The following ZNF534 variants were observed in gnomAD, a reference collection of about 807,000 sequenced individuals.
The protein encoded by ZNF534 is zinc finger protein 534.
Under a neutral mutation model 13.6 loss-of-function variants are expected in ZNF534, and 19 were observed. That is an observed-to-expected ratio of 1.40 (90% CI 0.97 to 2.05). The LOEUF is 2.05. ZNF534 is among the 30% of genes most tolerant of loss of function. The pLI, the probability that ZNF534 is intolerant of heterozygous loss-of-function variation, is 0.00. For synonymous variants in ZNF534, 244 were observed against 273.8 expected (o/e 0.89, Z 1.07); for missense variants, 782 against 796.3 (o/e 0.98, Z 0.22).
At chr19:52,447,494 C>G (rs2608538), downstream of ZNF534, among the ~76,000 whole-genome samples, 1 of 152,116 alleles carries the variant, frequency 6.6e-6, no homozygotes, top group Admixed American at 6.5e-5. Context: ...TTAACACTAA[C>G]AGTGACATTT....
At chr19:52,433,574 G>T (rs148273138) in intron 2 of ZNF534, among the ~76,000 whole-genome samples, 1 of 152,132 alleles carries the variant, frequency 6.6e-6, no homozygotes, top group Non-Finnish European at 1.5e-5. Flanking sequence ...CACCGTGTTG[G>T]CCAAGATGGT....
downstream of ZNF534, among the ~76,000 whole-genome samples, chr19:52,446,848 A>G (rs2059196295): frequency 6.6e-6 from 1 of 152,198 alleles, no homozygotes; most frequent in Non-Finnish European, 1.5e-5. Flanking sequence ...ACAGAGCAAG[A>G]TCCTGTCTCA....
Position 52,438,336 on chromosome 19 carries a change from T to C in ZNF534, c.876T>C (p.His292=), listed in dbSNP as rs1281111637. 1 of 1,613,374 alleles carries C rather than the reference T, an allele frequency of 6.2e-7. No homozygotes were observed. Among genetic ancestry groups the C allele is most frequent in the Non-Finnish European group, 8.5e-7 (1 of 1,179,420 alleles). ...ACCTTGCACAGCATAGGAAAATTCA[T>C]ACTGGAGAGAAGCCTTACAAATGTA... ...HAYLAQHRKI[H]TGEKPYKCSE... The change falls in exon 5 of 5, where the codon CAT becomes CAC. Residue 292 remains histidine, a synonymous_variant. Coordinates refer to ENST00000433050, the MANE Select transcript of ZNF534 (RefSeq NM_001143938.3).
chr19:52,433,556 T>G (rs145070875), intron 2 of ZNF534, among the ~76,000 whole-genome samples: 1 of 152,130 alleles, frequency 6.6e-6, no homozygotes, highest in Admixed American at 6.6e-5. Context: ...TTAGTAGAGA[T>G]GGGGTTTCAC....
At chr19:52,429,581 C>T (rs1453959262) in intron 1 of ZNF534, among the ~76,000 whole-genome samples, 5 of 148,316 alleles carry the variant, frequency 3.4e-5, no homozygotes, top group Non-Finnish European at 7.4e-5. Flanking sequence ...GCTCGTTAGT[C>T]ACTTAATAGT....
chr19:52,433,097 G>C (rs1409594539), intron 2 of ZNF534, among the ~76,000 whole-genome samples: 1 of 151,806 alleles, frequency 6.6e-6, no homozygotes, highest in East Asian at 1.9e-4. Context: ...ACAAAAATTA[G>C]CTGGGCATAG....
At chr19:52,445,985 A>G (rs1199931637), downstream of ZNF534, among the ~76,000 whole-genome samples, 1 of 152,198 alleles carries the variant, frequency 6.6e-6, no homozygotes, top group Admixed American at 6.5e-5. Context: ...GTGACATGAA[A>G]ATGCACATAA....
At chr19:52,448,805 A>G (rs1197326424) in intron 4 of ZNF534, among the ~76,000 whole-genome samples, 4 of 152,240 alleles carry the variant, frequency 2.6e-5, no homozygotes, top group Admixed American at 6.5e-5. Flanking sequence ...AAAATAGATA[A>G]TGATCAAATC....
chr19:52,437,391 G>A (rs1351512158), intron 4 of ZNF534, among the ~76,000 whole-genome samples: 1 of 152,090 alleles, frequency 6.6e-6, no homozygotes, highest in Non-Finnish European at 1.5e-5. Context: ...GGCTGAGGCA[G>A]GTGGATCACA....
chr19:52,436,751 C>T (rs2059131224), intron 4 of ZNF534, among the ~76,000 whole-genome samples: 1 of 152,160 alleles, frequency 6.6e-6, no homozygotes, highest in Admixed American at 6.6e-5. Context: ...ATTTTTACAT[C>T]AGTTACTGTA....
Position 52,440,623 on chromosome 19 carries a change from A to G in ZNF534, c.*1177A>G, listed in dbSNP as rs1036024849. Among the ~76,000 whole-genome samples the G allele has an allele frequency of 1.3e-5, 2 of 152,048 alleles. No homozygotes were observed. Among genetic ancestry groups the G allele is most frequent in the East Asian group, 1.9e-4 (1 of 5,164 alleles). On this transcript the variant is annotated 3_prime_UTR_variant, in exon 5 of 5. Transcript: ENST00000433050. The stretch of plus-strand genomic sequence containing the variant: ...TGTTGAAACCCCATCACTACTAAAA[A>G]TAAAAAAAATAGCTGGGTGTGGTGG...
In ZNF534 at chr19:52,438,788, G is replaced by C; in HGVS notation, c.1328G>C (p.Cys443Ser). ...GAGAAACCTTACGAATGTATAGACT[G>C]TGGCAAGGTCTTCAGGCACAAGTCT... ...TGEKPYECID[C>S]GKVFRHKSSL... Residue 443 changes from cysteine to serine, a missense_variant, in exon 5 of 5, where the codon TGT (cysteine) becomes TCT (serine). Physicochemically the swap from Cys to Ser is moderately radical, Grantham distance 112. This residue lies in a region of ZNF534 where 591 missense variants were observed against 574.0 expected (regional missense o/e 1.03). Transcript: ENST00000433050. 6.2e-7 allele frequency: 1 copy of C among 1,609,374 alleles called. No homozygotes were observed. The highest frequency in any genetic ancestry group is 8.5e-7 in the Non-Finnish European group (1 of 1,177,656).
intron 3 of ZNF534, 79 bp downstream of exon 3, chr19:52,434,160 G>T (rs1341501549): frequency 1.3e-6 from 2 of 1,552,246 alleles, no homozygotes. Flanking sequence ...TCTCTCGGGA[G>T]CCCCTGCATT....
exon 5 of ZNF534, chr19:52,451,765 G>T: frequency 1.5e-6 from 1 of 683,988 alleles, no homozygotes. Flanking sequence ...AGATTATAGA[G>T]GAAATGTTGG....
rs1460097069 is a variant in ZNF534 at position 52,439,144 on chromosome 19, A to T, written c.1684A>T (p.Asn562Tyr). The T allele has an allele frequency of 1.3e-6, 2 of 1,595,042 alleles. No individual in the cohort carries two copies. The highest frequency in any genetic ancestry group is 2.2e-5 in the South Asian group (2 of 89,192). The change falls in exon 5 of 5, where the codon AAT becomes TAT. Residue 562 changes from asparagine (N) to tyrosine (Y), a missense_variant. Physicochemically the swap from Asn to Tyr is moderately radical, Grantham distance 143 (BLOSUM62 -2). Around this residue, in one of 5 missense-constraint regions of ZNF534, gnomAD observed 591 missense variants for 574.0 expected, o/e 1.03. Coordinates refer to ENST00000433050, the MANE Select transcript of ZNF534 (RefSeq NM_001143938.3). Reference sequence around the variant, plus strand: ...TGAATGTGGCAAGGTCTTCAGTCGGAATTCACACCTTGCGCGACATAGGAA... The same window carrying T: ...TGAATGTGGCAAGGTCTTCAGTCGGTATTCACACCTTGCGCGACATAGGAA... ...CNECGKVFSRNSHLARHRNIH... is the reference protein window; with the variant it reads ...CNECGKVFSRYSHLARHRNIH...
downstream of ZNF534, among the ~76,000 whole-genome samples, chr19:52,442,650 A>T (rs935051880): frequency 9.2e-5 from 14 of 152,254 alleles, no homozygotes; most frequent in African/African-American, 3.4e-4. Flanking sequence ...TCCTCTTTAT[A>T]ACTTTCAACC....
In ZNF534 at chr19:52,438,819, A is replaced by T. The variant is rs1199998510; in HGVS notation, c.1359A>T (p.Leu453=). The change falls in exon 5 of 5, where the codon CTA becomes CTT. Residue 453 remains leucine (L), a synonymous_variant. Coordinates refer to ENST00000433050, the MANE Select transcript of ZNF534 (RefSeq NM_001143938.3). ...CGKVFRHKSS[L]TYHCRIHTGE... ...AGGTCTTCAGGCACAAGTCTTCCCT[A>T]ACCTATCACTGTAGAATTCATACTG... is the stretch of plus-strand genomic sequence containing the variant. The T allele has an allele frequency of 6.2e-7, 1 of 1,610,684 alleles. No homozygotes were observed. The highest frequency in any genetic ancestry group is 1.3e-5 in the African/African-American group (1 of 74,668).
Position 52,439,128 on chromosome 19 carries a change from C to G in ZNF534, c.1668C>G (p.Gly556=). The part of the protein sequence containing the change: ...GEKPYSCNEC[G]KVFSRNSHLA... ...AGCCTTACAGTTGTAATGAATGTGG[C>G]AAGGTCTTCAGTCGGAATTCACACC... is the stretch of plus-strand genomic sequence containing the variant. The change falls in exon 5 of 5, where the codon GGC becomes GGG. Residue 556 remains glycine, a synonymous_variant. Coordinates refer to ENST00000433050, the MANE Select transcript of ZNF534 (RefSeq NM_001143938.3). The G allele has an allele frequency of 6.3e-7, 1 of 1,592,338 alleles. No individual in the cohort carries two copies. Among genetic ancestry groups the G allele is most frequent in the Non-Finnish European group, 8.6e-7 (1 of 1,168,948 alleles).
At chr19:52,435,939 C>CTTTTTTTTTTT (rs869289648) in intron 4 of ZNF534, among the ~76,000 whole-genome samples, 3 of 24,162 alleles carry the variant, frequency 1.2e-4, no homozygotes, top group African/African-American at 2.9e-4. Flanking sequence ...TCTTCTTCTT[C>CTTTTTTTTTTT]TTTTTTTTTT....
Sources: allele counts gnomAD v4.1 joint callset (sites outside exome capture counted in the v4.1 genomes callset), GRCh38; gene constraint gnomAD v4.1.1; regional missense constraint gnomAD v4.1.1; transcripts MANE v1.5; gene names NCBI Gene and HGNC (gene_info 2026-07-23, HGNC 2026-07-21).